ERGIC1: variants seen among roughly 807,000 people sequenced by gnomAD.
ERGIC1 encodes endoplasmic reticulum-Golgi intermediate compartment protein 1.
A neutral mutation model predicts 38.3 loss-of-function variants in ERGIC1; 19 were observed. That is an observed-to-expected ratio of 0.50 (90% CI 0.35 to 0.73). ERGIC1 has a LOEUF of 0.73. ERGIC1 is among the 30% of genes least tolerant of loss of function. The pLI, the probability that ERGIC1 is intolerant of heterozygous loss-of-function variation, is 0.01. For missense variants in ERGIC1, 294 were observed against 389.2 expected (o/e 0.76, Z 2.06); for synonymous variants, 124 against 157.6 (o/e 0.79, Z 1.60).
At chr5:172,864,566 G>C (rs1761803575) in intron 1 of ERGIC1, among the ~76,000 whole-genome samples, 1 of 151,926 alleles carries the variant, frequency 6.6e-6, no homozygotes, top group Admixed American at 6.5e-5. Context: ...CCTGGGATGG[G>C]ATGGAGATGG....
chr5:172,889,503 G>T (rs1762506952), intron 2 of ERGIC1, among the ~76,000 whole-genome samples: 1 of 152,118 alleles, frequency 6.6e-6, no homozygotes, highest in Non-Finnish European at 1.5e-5. Context: ...TGATTTCAGG[G>T]CTAGGCAGGG....
chr5:172,918,656 CTGA>C (rs1172047412), intron 5 of ERGIC1, among the ~76,000 whole-genome samples: 4 of 152,224 alleles, frequency 2.6e-5, no homozygotes, highest in Non-Finnish European at 5.9e-5. Context: ...CCAGAAAACG[CTGA>C]TGATGAGGAG....
Position 172,939,381 on chromosome 5 carries a change from C to T in ERGIC1, c.765+4071C>T, listed in dbSNP as rs573053326. ...GGCCTTGAGCTGAGGAGGAAGGGCC[C>T]GGGAAAGGGAATGCTATGCGCAGAG... On this transcript the variant is annotated intron_variant, in intron 9 of 9. Coordinates refer to ENST00000393784, the MANE Select transcript of ERGIC1 (RefSeq NM_001031711.3). Among the ~76,000 whole-genome samples, 274 of 152,232 alleles carry T rather than the reference C, an allele frequency of 1.8e-3. 4 individuals are homozygous for T. Among genetic ancestry groups the T allele is most frequent in the African/African-American group, 6.0e-3 (249 of 41,530 alleles).
chr5:172,903,083 C>T (rs566113908), intron 3 of ERGIC1, among the ~76,000 whole-genome samples: 23 of 152,104 alleles, frequency 1.5e-4, no homozygotes, highest in African/African-American at 5.5e-4. Context: ...CATCTGGCGT[C>T]CCCCACCTGG....
chr5:172,906,185 G>T (rs555965789), intron 3 of ERGIC1: 2 of 456,050 alleles, frequency 4.4e-6, no homozygotes, highest in South Asian at 1.5e-5. Flanking sequence ...GCGCAGGTCC[G>T]TGTCTCCCCT....
At chr5:172,929,647 T>G (rs1268246106) in intron 7 of ERGIC1, among the ~76,000 whole-genome samples, 1 of 152,180 alleles carries the variant, frequency 6.6e-6, no homozygotes, top group Admixed American at 6.5e-5. Flanking sequence ...GGTCATTGTT[T>G]ATAAAATTGA....
At chr5:172,903,030 C>A (rs1035226751) in intron 3 of ERGIC1, among the ~76,000 whole-genome samples, 1 of 152,046 alleles carries the variant, frequency 6.6e-6, no homozygotes, top group African/African-American at 2.4e-5. Context: ...CACTGTCCAC[C>A]CACACCCCCA....
intron 6 of ERGIC1, among the ~76,000 whole-genome samples, chr5:172,924,669 G>A (rs908511674): frequency 3.9e-5 from 6 of 152,160 alleles, no homozygotes; most frequent in African/African-American, 4.8e-5. Flanking sequence ...GAGGAGCAGC[G>A]GTCTCGCATT....
At chr5:172,844,275 G>A (rs1761232419) in intron 1 of ERGIC1, among the ~76,000 whole-genome samples, 1 of 152,238 alleles carries the variant, frequency 6.6e-6, no homozygotes. Context: ...CAAGATGTGG[G>A]CCATGGCCAC....
chr5:172,915,885 G>A lies in ERGIC1; in HGVS notation c.375+1047G>A, dbSNP rs1458334150. ...CTGACACCTGAGCTGGGGTTGCAAA[G>A]TCACTGGCCACATCCAGCCCAAAGA... is the stretch of plus-strand genomic sequence containing the variant. On this transcript the variant is annotated intron_variant, in intron 5 of 9. Transcript: ENST00000393784. 4 of 299,478 alleles carry A rather than the reference G, an allele frequency of 1.3e-5. No individual in the cohort carries two copies. In the Admixed American group the frequency reaches 1.8e-4, roughly 14 times the overall value. 18.6% of individuals were successfully genotyped at this position (299,478 alleles called of 1,614,324 possible). A position where few individuals can be genotyped will look rare whatever the true frequency, so the allele number is the denominator to read the frequency against.
At chr5:172,836,496 G>A (rs1761039927) in intron 1 of ERGIC1, among the ~76,000 whole-genome samples, 1 of 152,178 alleles carries the variant, frequency 6.6e-6, no homozygotes, top group African/African-American at 2.4e-5. Flanking sequence ...AGTGCTTCAC[G>A]TTTGCACCTT....
At chr5:172,923,094 G>A (rs971663377) in intron 5 of ERGIC1, among the ~76,000 whole-genome samples, 1 of 133,564 alleles carries the variant, frequency 7.5e-6, no homozygotes, top group East Asian at 2.0e-4. Flanking sequence ...GAGGAGGAGG[G>A]TTCCAGGATC....
intron 1 of ERGIC1, among the ~76,000 whole-genome samples, chr5:172,847,946 A>G (rs1761318195): frequency 1.3e-5 from 2 of 152,270 alleles, no homozygotes; most frequent in East Asian, 1.9e-4. Context: ...ATTGATACAA[A>G]TAATTGCAAT....
chr5:172,945,084 G>T (rs983467717), intron 9 of ERGIC1, among the ~76,000 whole-genome samples: 9 of 152,168 alleles, frequency 5.9e-5, no homozygotes, highest in Admixed American at 2.0e-4. Flanking sequence ...GTGGTCAGTT[G>T]TGTCTGCTAT....
At chr5:172,942,952 AAG>A (rs1234360659) in intron 9 of ERGIC1, among the ~76,000 whole-genome samples, 2 of 152,286 alleles carry the variant, frequency 1.3e-5, no homozygotes, top group Admixed American at 1.3e-4. Flanking sequence ...TCTGTACATG[AAG>A]AGAGGGGCTA....
intron 9 of ERGIC1, among the ~76,000 whole-genome samples, chr5:172,943,181 A>G (rs978909509): frequency 3.3e-5 from 5 of 152,178 alleles, no homozygotes; most frequent in Non-Finnish European, 7.3e-5. Context: ...AGAAGGTGCC[A>G]TCTCAGACCC....
rs141719442 is a variant in ERGIC1, at chr5:172,861,104, G to A, written c.20+26671G>A. On this transcript the variant is annotated intron_variant, in intron 1 of 9. Coordinates refer to ENST00000393784, the MANE Select transcript of ERGIC1 (RefSeq NM_001031711.3). The stretch of plus-strand genomic sequence containing the variant: ...GTGGGATGTGTCCTCCATCCGCCTC[G>A]CTGACCTCGTCCCATGCCACCTGCC... Among the ~76,000 whole-genome samples, 272 of 152,108 alleles carry A rather than the reference G, an allele frequency of 1.8e-3. 1 individual carries two copies. Among genetic ancestry groups the A allele is most frequent in the Middle Eastern group, 6.8e-3 (2 of 294 alleles).
At chr5:172,858,613 A>G (rs1761617770) in intron 1 of ERGIC1, among the ~76,000 whole-genome samples, 1 of 152,230 alleles carries the variant, frequency 6.6e-6, no homozygotes, top group Non-Finnish European at 1.5e-5. Context: ...GCCGGCATCC[A>G]GCCCTGATGA....
At chr5:172,878,110 G>C (rs1360956339) in intron 1 of ERGIC1, among the ~76,000 whole-genome samples, 1 of 152,218 alleles carries the variant, frequency 6.6e-6, no homozygotes, top group African/African-American at 2.4e-5. Context: ...TGGTCAGAAA[G>C]GGTTATCACG....
Sources: allele counts gnomAD v4.1 joint callset (sites outside exome capture counted in the v4.1 genomes callset), GRCh38; gene constraint gnomAD v4.1.1; transcripts MANE v1.5; gene names NCBI Gene and HGNC (gene_info 2026-07-23, HGNC 2026-07-21).